LARGE1: variants seen among roughly 807,000 people sequenced by gnomAD.
LARGE1 encodes the protein LARGE xylosyl- and glucuronyltransferase 1, also known as xylosyl- and glucuronyltransferase LARGE1.
LARGE1 carries 43 observed loss-of-function variants against 87.6 expected under a neutral mutation model. The observed-to-expected ratio is 0.49, with a 90% CI of 0.38 to 0.63. LARGE1 has a LOEUF of 0.63. Ranked by LOEUF, LARGE1 falls within the 30% of genes least tolerant of loss-of-function variation. The probability of loss-of-function intolerance (pLI) is 0.00; values close to 1 mark genes in which losing one functional copy is unlikely to be tolerated. For synonymous variants in LARGE1, 434 were observed against 394.6 expected (o/e 1.10, Z -1.18); for missense variants, 802 against 1,000.2 (o/e 0.80, Z 2.67).
intron 4 of LARGE1, among the ~76,000 whole-genome samples, chr22:33,620,231 T>A (rs141726745): frequency 6.6e-6 from 1 of 152,242 alleles, no homozygotes; most frequent in African/African-American, 2.4e-5. Flanking sequence ...CCCAGCTTCA[T>A]CCTGCCAACA....
intron 2 of LARGE1, among the ~76,000 whole-genome samples, chr22:33,756,153 A>T (rs115965582): frequency 6.6e-6 from 1 of 152,180 alleles, no homozygotes; most frequent in Non-Finnish European, 1.5e-5. Context: ...AAGACCCCAG[A>T]GTCATGGTAA....
At chr22:33,622,122 G>A (rs189114310) in intron 4 of LARGE1, among the ~76,000 whole-genome samples, 1 of 152,288 alleles carries the variant, frequency 6.6e-6, no homozygotes, top group Admixed American at 6.5e-5. Context: ...GTGCTGATAT[G>A]GTTAGGCTTT....
At chr22:33,131,065 A>G in the LARGE1 span, among the ~76,000 whole-genome samples, 10 of 149,524 alleles carry the variant, frequency 6.7e-5, no homozygotes, top group African/African-American at 2.5e-4. Flanking sequence ...AAAAAAAGTA[A>G]CTATCGAAAA....
intron 7 of LARGE1, among the ~76,000 whole-genome samples, chr22:33,426,283 A>G (rs373409134): frequency 6.6e-6 from 1 of 152,262 alleles, no homozygotes; most frequent in East Asian, 1.9e-4. Context: ...ACAAAACAAA[A>G]CAGTTTTCTA....
At chr22:33,664,224 G>A (rs1202254663) in intron 2 of LARGE1, among the ~76,000 whole-genome samples, 1 of 152,154 alleles carries the variant, frequency 6.6e-6, no homozygotes, top group Non-Finnish European at 1.5e-5. Context: ...GATGACTTAG[G>A]AGTCCTTTCA....
At chr22:33,378,908 T>A (rs1329575056) in intron 9 of LARGE1, among the ~76,000 whole-genome samples, 1 of 152,134 alleles carries the variant, frequency 6.6e-6, no homozygotes, top group Non-Finnish European at 1.5e-5. Flanking sequence ...CCTGAAACTC[T>A]GGGAAACACA....
At chr22:33,293,043 G>A (rs890085568) in intron 12 of LARGE1, among the ~76,000 whole-genome samples, 1 of 151,992 alleles carries the variant, frequency 6.6e-6, no homozygotes, top group African/African-American at 2.4e-5. Context: ...AGTGTAGGGA[G>A]GGAGGAAGAC....
At chr22:33,188,841 T>C (rs143396404) in intron 11 of LARGE1, among the ~76,000 whole-genome samples, 245 of 152,294 alleles carry the variant, frequency 1.6e-3, no homozygotes, top group Non-Finnish European at 2.6e-3. Context: ...GTTTCTTGAC[T>C]TCCAGGAAGG....
At chr22:33,123,437 C>A in the LARGE1 span, among the ~76,000 whole-genome samples, 1 of 152,114 alleles carries the variant, frequency 6.6e-6, no homozygotes, top group African/African-American at 2.4e-5. Flanking sequence ...ATCCCGGTGG[C>A]AAGGCCTATG....
At chr22:33,541,292 C>T (rs2077201702) in intron 6 of LARGE1, among the ~76,000 whole-genome samples, 1 of 151,290 alleles carries the variant, frequency 6.6e-6, no homozygotes, top group African/African-American at 2.4e-5. Context: ...ACAGGGCAAG[C>T]CGACTTTTTG....
downstream of LARGE1, among the ~76,000 whole-genome samples, chr22:33,268,196 C>T (rs1055576010): frequency 1.3e-5 from 2 of 151,292 alleles, no homozygotes; most frequent in Admixed American, 6.6e-5. Context: ...TCAAGTGATT[C>T]GCCTGCCTCA....
intron 1 of LARGE1, among the ~76,000 whole-genome samples, chr22:33,863,708 C>T (rs1193565305): frequency 6.6e-6 from 1 of 151,204 alleles, no homozygotes; most frequent in Admixed American, 6.6e-5. Context: ...GCGGAGGTTG[C>T]AGTGAGCCGA....
chr22:33,480,833 T>G (rs1008794749), intron 6 of LARGE1, among the ~76,000 whole-genome samples: 2 of 152,224 alleles, frequency 1.3e-5, no homozygotes, highest in Admixed American at 6.5e-5. Flanking sequence ...AATTACTATA[T>G]AACCTACTTA....
intron 1 of LARGE1, among the ~76,000 whole-genome samples, chr22:33,836,484 C>A (rs2063111844): frequency 2.0e-5 from 3 of 152,170 alleles, no homozygotes; most frequent in Admixed American, 2.0e-4. Context: ...TCCTGCACAC[C>A]AAGAACCCTG....
intron 6 of LARGE1, among the ~76,000 whole-genome samples, chr22:33,479,870 G>A (rs990678171): frequency 5.9e-5 from 9 of 151,502 alleles, no homozygotes; most frequent in South Asian, 2.1e-4. Flanking sequence ...TCAGTCTCTC[G>A]AGTATCTGGG....
intron 12 of LARGE1, among the ~76,000 whole-genome samples, chr22:33,291,816 G>A (rs1031251927): frequency 6.6e-6 from 1 of 152,032 alleles, no homozygotes; most frequent in Non-Finnish European, 1.5e-5. Flanking sequence ...CTTGGGGCCG[G>A]GCGTGGTGGC....
chr22:33,598,054 G>C (rs894045123), intron 5 of LARGE1, among the ~76,000 whole-genome samples: 1 of 152,084 alleles, frequency 6.6e-6, no homozygotes, highest in African/African-American at 2.4e-5. Context: ...TGGTTCTTCA[G>C]GAACACCCAG....
chr22:33,909,634 G>A (rs2065568086), intron 1 of LARGE1, among the ~76,000 whole-genome samples: 1 of 152,032 alleles, frequency 6.6e-6, no homozygotes, highest in Admixed American at 6.5e-5. Flanking sequence ...TGACTTCCGG[G>A]TTCACGCCAT....
chr22:33,192,739 T>C (rs543612641), intron 11 of LARGE1, among the ~76,000 whole-genome samples: 6 of 152,340 alleles, frequency 3.9e-5, no homozygotes, highest in Non-Finnish European at 8.8e-5. Flanking sequence ...CAAAAAATCT[T>C]TCCCCAGATT....
Sources: gnomAD v4.1 joint callset for allele counts (sites outside exome capture counted in the v4.1 genomes callset) on GRCh38, gnomAD v4.1.1 for gene constraint, MANE v1.5 for transcripts, NCBI Gene and HGNC (gene_info 2026-07-23, HGNC 2026-07-21) for gene names.